The following PPP2CB variants were observed in gnomAD, a reference collection of about 807,000 sequenced individuals.
PPP2CB encodes the protein serine/threonine-protein phosphatase 2A catalytic subunit beta isoform.
In PPP2CB, 18 loss-of-function variants were observed where a neutral mutation model predicts 39.1. The observed-to-expected ratio is 0.46, with a 90% CI of 0.32 to 0.68. The LOEUF is 0.68. Ranked by LOEUF, PPP2CB falls within the 30% of genes least tolerant of loss-of-function variation. The pLI is 0.04. For synonymous variants in PPP2CB, 129 were observed against 133.8 expected (o/e 0.96, Z 0.25); for missense variants, 226 against 396.9 (o/e 0.57, Z 3.66).
chr8:30,795,299 GA>G (rs1418625233), intron 3 of PPP2CB, among the ~76,000 whole-genome samples: 5 of 151,992 alleles, frequency 3.3e-5, no homozygotes, highest in Admixed American at 6.6e-5. Context: ...ATTTTTAGTA[GA>G]GACAGGGTTT....
At chr8:30,806,820 A>G (rs1806734007) in intron 1 of PPP2CB, among the ~76,000 whole-genome samples, 1 of 152,230 alleles carries the variant, frequency 6.6e-6, no homozygotes, top group Non-Finnish European at 1.5e-5. Flanking sequence ...AATGAAAAGA[A>G]ATTTTACATT....
intron 1 of PPP2CB, among the ~76,000 whole-genome samples, chr8:30,808,245 C>T (rs1486917435): frequency 6.6e-6 from 1 of 152,036 alleles, no homozygotes; most frequent in Non-Finnish European, 1.5e-5. Flanking sequence ...ACTACAGGCA[C>T]ACACCGCCAT....
At chr8:30,801,112 G>C (rs1806616240) in intron 1 of PPP2CB, among the ~76,000 whole-genome samples, 1 of 151,970 alleles carries the variant, frequency 6.6e-6, no homozygotes, top group African/African-American at 2.4e-5. Context: ...AGGAGGGTGG[G>C]GTGGGGTGGG....
intron 1 of PPP2CB, among the ~76,000 whole-genome samples, chr8:30,807,729 G>A (rs915604825): frequency 6.6e-5 from 10 of 152,174 alleles, no homozygotes; most frequent in African/African-American, 2.4e-4. Flanking sequence ...AGTGTCCTGA[G>A]CAGTGCCAGC....
chr8:30,789,513 T>A (rs1806396642), intron 6 of PPP2CB, among the ~76,000 whole-genome samples: 2 of 152,314 alleles, frequency 1.3e-5, no homozygotes, highest in Admixed American at 1.3e-4. Context: ...TGAAGGAGTT[T>A]ATATTTTGGC....
chr8:30,812,030 CA>C (rs1806839823), intron 1 of PPP2CB, among the ~76,000 whole-genome samples: 1 of 152,264 alleles, frequency 6.6e-6, no homozygotes, highest in South Asian at 2.1e-4. Flanking sequence ...CTGCTTGGCT[CA>C]GGGGGCTACG....
In PPP2CB at chr8:30,812,380, G is replaced by C. The variant is rs1467963552; in HGVS notation, c.42C>G (p.Val14=). 2 of 1,560,760 alleles carry C rather than the reference G, an allele frequency of 1.3e-6. No homozygotes were observed. Among genetic ancestry groups the C allele is most frequent in the Admixed American group, 3.5e-5 (2 of 56,708 alleles). Residue 14 remains valine, a synonymous_variant, in exon 1 of 7, where the codon GTC becomes GTG. Transcript: ENST00000221138. ...GCTGCTTACACTCGTTCAGCTGCTCGACCCACTGGTCCAGCTCCTTGGTGA... is the reference window on the plus strand; with the variant it reads ...GCTGCTTACACTCGTTCAGCTGCTCCACCCACTGGTCCAGCTCCTTGGTGA... The part of the protein sequence containing the change: ...KAFTKELDQW[V]EQLNECKQLN...
chr8:30,799,561 A>T lies in PPP2CB; in HGVS notation c.297T>A (p.Leu99=). 6.2e-7 allele frequency: 1 copy of T among 1,610,940 alleles called. No individual in the cohort carries two copies. The change falls in exon 2 of 7, where the codon CTT becomes CTA. Residue 99 remains leucine (L), a synonymous_variant. Transcript: ENST00000221138. ...ATAATCATACCTTTAATGCTACAAGAAGAGTCACAGTCTCCACTGAATAAT... is the reference window on the plus strand; with the variant it reads ...ATAATCATACCTTTAATGCTACAAGTAGAGTCACAGTCTCCACTGAATAAT... ...RGYYSVETVT[L]LVALKVRYPE... is the part of the protein sequence containing the mutation.
intron 1 of PPP2CB, 82 bp from the exon 2 acceptor site, chr8:30,799,837 A>G (rs1160105504): frequency 3.2e-6 from 4 of 1,237,022 alleles, no homozygotes; most frequent in Non-Finnish European, 4.6e-6. Flanking sequence ...GGAAAAAAAC[A>G]CTTGAAAAGT....
At chr8:30,800,118 G>A (rs546077858) in intron 1 of PPP2CB, among the ~76,000 whole-genome samples, 2 of 152,290 alleles carry the variant, frequency 1.3e-5, no homozygotes, top group East Asian at 3.9e-4. Context: ...CATGTTCATG[G>A]CAGCATTATT....
rs571546036 is a variant in PPP2CB at position 30,795,193 on chromosome 8, G to A, written c.487-912C>T. On this transcript the variant is annotated intron_variant, in intron 3 of 6. Transcript: ENST00000221138. The stretch of plus-strand genomic sequence containing the variant: ...TGCAATGGCGTGATCTCGGCTCACC[G>A]CAACCTCCGCCTTCCGGGTTCAAGC... Among the ~76,000 whole-genome samples, 17 of 143,044 alleles carry A rather than the reference G, an allele frequency of 1.2e-4. No homozygotes were observed. In the East Asian group the frequency reaches 2.8e-3, roughly 24 times the overall value. The allele number at this position is 143,044 out of a possible 152,430, so 93.8% of individuals were successfully genotyped here. A position where few individuals can be genotyped will look rare whatever the true frequency, so the allele number is the denominator to read the frequency against.
intron 3 of PPP2CB, among the ~76,000 whole-genome samples, chr8:30,796,378 T>C (rs1022926156): frequency 3.3e-5 from 5 of 152,122 alleles, no homozygotes; most frequent in African/African-American, 1.2e-4. Context: ...ATATGTTTTA[T>C]ATTTATTTAT....
intron 6 of PPP2CB, among the ~76,000 whole-genome samples, chr8:30,788,607 T>C (rs1026592836): frequency 1.3e-5 from 2 of 152,230 alleles, no homozygotes; most frequent in Non-Finnish European, 2.9e-5. Flanking sequence ...TTTAAGAATC[T>C]AATCTTCTTA....
intron 5 of PPP2CB, 53 bp downstream of exon 5, chr8:30,793,864 C>T: frequency 1.3e-6 from 2 of 1,510,060 alleles, no homozygotes; most frequent in Non-Finnish European, 1.8e-6. Context: ...TGCCTTATTA[C>T]AGAAGTATAT....
At chr8:30,806,908 A>C (rs1806735468) in intron 1 of PPP2CB, among the ~76,000 whole-genome samples, 3 of 152,248 alleles carry the variant, frequency 2.0e-5, no homozygotes, top group Admixed American at 2.0e-4. Flanking sequence ...AGTATTAAGT[A>C]TTAAATATAT....
intron 1 of PPP2CB, among the ~76,000 whole-genome samples, chr8:30,801,708 C>T (rs1269825242): frequency 1.3e-5 from 2 of 152,110 alleles, no homozygotes; most frequent in African/African-American, 4.8e-5. Flanking sequence ...GTATTTCCTG[C>T]TACTCTGCAT....
At chr8:30,788,460 C>T (rs1213019766) in intron 6 of PPP2CB, among the ~76,000 whole-genome samples, 1 of 151,926 alleles carries the variant, frequency 6.6e-6, no homozygotes, top group Non-Finnish European at 1.5e-5. Context: ...GACGGGGTCT[C>T]CCTATGTTGC....
intron 1 of PPP2CB, chr8:30,809,872 G>C (rs767531116): frequency 6.6e-6 from 1 of 152,200 alleles, no homozygotes; most frequent in Non-Finnish European, 1.5e-5. Flanking sequence ...CAGAAGTTGA[G>C]GTTGCAGTGA....
chr8:30,798,872 A>G (rs1327990492), intron 2 of PPP2CB, among the ~76,000 whole-genome samples: 6 of 152,248 alleles, frequency 3.9e-5, no homozygotes, highest in Admixed American at 3.9e-4. Context: ...GAGTCTTGGC[A>G]GAAAGGTAAG....
Sources: allele counts gnomAD v4.1 joint callset (sites outside exome capture counted in the v4.1 genomes callset), GRCh38; gene constraint gnomAD v4.1.1; transcripts MANE v1.5; gene names NCBI Gene and HGNC (gene_info 2026-07-23, HGNC 2026-07-21).